Variants in KDM4B observed in about 807,000 individuals in gnomAD.
The protein encoded by KDM4B is lysine demethylase 4B.
A neutral mutation model predicts 125.2 loss-of-function variants in KDM4B; 32 were observed. The observed-to-expected ratio is 0.26, with a 90% CI of 0.19 to 0.34. The LOEUF (loss-of-function observed/expected upper bound fraction) is 0.34. Among genes scored for constraint, KDM4B ranks in the 10% least tolerant of loss-of-function variants. The probability of loss-of-function intolerance (pLI) is 1.00; values close to 1 mark genes in which losing one functional copy is unlikely to be tolerated. For synonymous variants in KDM4B, 721 were observed against 677.9 expected (o/e 1.06, Z -0.99); for missense variants, 1,190 against 1,577.7 (o/e 0.75, Z 4.16).
At chr19:5,137,879 G>C in intron 17 of KDM4B, 83 bp from the exon 18 acceptor site, 1 of 1,271,738 alleles carries the variant, frequency 7.9e-7, no homozygotes, top group Non-Finnish European at 1.1e-6. Context: ...TGACCCAGCC[G>C]ACAGCCACAT....
intron 1 of KDM4B, among the ~76,000 whole-genome samples, chr19:4,980,096 C>T (rs1270115861): frequency 7.7e-6 from 1 of 130,230 alleles, no homozygotes; most frequent in Non-Finnish European, 1.6e-5. Flanking sequence ...CAGAGCAAGA[C>T]CTTTTCTCAA....
Position 5,039,889 on chromosome 19 carries a change from C to T in KDM4B, c.195C>T (p.Asp65=), listed in dbSNP as rs141838567. The T allele has an allele frequency of 5.3e-5, 86 of 1,612,868 alleles. No homozygotes were observed. Among genetic ancestry groups the T allele is most frequent in the South Asian group, 3.8e-4 (35 of 91,092 alleles). Residue 65 remains aspartate, a synonymous_variant, in exon 4 of 23, where the codon GAC becomes GAT. Coordinates refer to ENST00000159111, the MANE Select transcript of KDM4B (RefSeq NM_015015.3). ...KPRQTYDDID[D]VVIPAPIQQV... ...GGCAGACGTATGATGACATCGACGA[C>T]GTGGTGATCCCGGCGCCCATCCAGC...
At chr19:4,969,715 A>AG (rs368918480) in intron 1 of KDM4B, among the ~76,000 whole-genome samples, 3 of 150,414 alleles carry the variant, frequency 2.0e-5, no homozygotes, top group Non-Finnish European at 3.0e-5. Context: ...TTTGGGCGCC[A>AG]GGGGGGCTAA....
intron 9 of KDM4B, among the ~76,000 whole-genome samples, chr19:5,096,113 T>C (rs1245419032): frequency 2.8e-5 from 4 of 143,536 alleles, no homozygotes; most frequent in African/African-American, 7.8e-5. Flanking sequence ...TGAGGTGGAG[T>C]TTTGCACTGT....
Position 5,143,972 on chromosome 19 carries a change from C to G in KDM4B, c.2556C>G (p.Cys852Trp). The stretch of plus-strand genomic sequence containing the variant: ...GCCTGTGTCCCCATCCCCAGAAATG[C>G]GTGTACTGCCGGAAGCGGATGAAGA... The part of the protein sequence containing the change: ...AIPEQRWKLK[C>W]VYCRKRMKKV... Residue 852 changes from cysteine to tryptophan, a missense_variant, in exon 19 of 23, where the codon TGC becomes TGG. This residue lies in a region of KDM4B where 298 missense variants were observed against 439.7 expected (regional missense o/e 0.68). Transcript: ENST00000159111. 6.3e-7 allele frequency: 1 copy of G among 1,579,608 alleles called. No homozygotes were observed. The highest frequency in any genetic ancestry group is 8.7e-7 in the Non-Finnish European group (1 of 1,154,282).
chr19:5,049,093 G>T (rs979767972), intron 6 of KDM4B, among the ~76,000 whole-genome samples: 1 of 152,182 alleles, frequency 6.6e-6, no homozygotes, highest in African/African-American at 2.4e-5. Context: ...CAGGGCCGGG[G>T]GTGCCTGCTG....
At chr19:5,097,533 G>A (rs962792064) in intron 9 of KDM4B, among the ~76,000 whole-genome samples, 2 of 152,198 alleles carry the variant, frequency 1.3e-5, no homozygotes, top group African/African-American at 2.4e-5. Context: ...GATGACAGGC[G>A]TGAGCCGCCG....
intron 9 of KDM4B, among the ~76,000 whole-genome samples, chr19:5,102,643 G>A (rs2038959413): frequency 6.6e-6 from 1 of 152,150 alleles, no homozygotes; most frequent in Non-Finnish European, 1.5e-5. Context: ...TCGCACCACA[G>A]CAGGGAATCG....
At position 5,033,425 on chromosome 19, in the gene KDM4B, T is replaced by C. The variant is rs1384991128; in HGVS notation, c.141+394T>C. Among the ~76,000 whole-genome samples the C allele has an allele frequency of 2.0e-5, 3 of 152,158 alleles. No homozygotes were observed. The East Asian group carries it at 5.8e-4, about 29-fold the overall frequency. ...GCCTTACTTTCCTAGTAAAACTTTT[T>C]TTTTTTAAGCTGGGTATGGTGGTGC... is the stretch of plus-strand genomic sequence containing the variant. On this transcript the variant is annotated intron_variant, in intron 3 of 22. Transcript: ENST00000159111.
intron 6 of KDM4B, among the ~76,000 whole-genome samples, chr19:5,067,220 G>A (rs528477311): frequency 1.3e-5 from 2 of 152,270 alleles, no homozygotes; most frequent in Admixed American, 1.3e-4. Context: ...TTGTTGCACT[G>A]AGCTAAGTCT....
chr19:5,065,850 C>A (rs1035822900), intron 6 of KDM4B, among the ~76,000 whole-genome samples: 2 of 152,226 alleles, frequency 1.3e-5, no homozygotes, highest in African/African-American at 4.8e-5. Context: ...TGGGGAATGG[C>A]GCGAGCAGAA....
At chr19:5,024,917 C>T (rs891085788) in intron 2 of KDM4B, among the ~76,000 whole-genome samples, 1 of 152,258 alleles carries the variant, frequency 6.6e-6, no homozygotes, top group Non-Finnish European at 1.5e-5. Context: ...CACTGCACTT[C>T]AGCCTGACTG....
chr19:5,086,645 TC>T (rs150507498), intron 9 of KDM4B, among the ~76,000 whole-genome samples: 10,675 of 148,776 alleles, frequency 0.072, 1,207 homozygotes, highest in African/African-American at 0.24. Context: ...AGCCACCTCC[TC>T]CCCCCCCCAG....
At chr19:5,023,425 G>C (rs1284385038) in intron 2 of KDM4B, among the ~76,000 whole-genome samples, 1 of 152,222 alleles carries the variant, frequency 6.6e-6, no homozygotes, top group African/African-American at 2.4e-5. Flanking sequence ...TGGCGTTCTC[G>C]TGCTGCCTCT....
intron 2 of KDM4B, among the ~76,000 whole-genome samples, chr19:5,027,880 A>C (rs1384617076): frequency 2.0e-5 from 3 of 152,066 alleles, no homozygotes; most frequent in Non-Finnish European, 4.4e-5. Context: ...ATTAGATATA[A>C]TTTGCACACT....
intron 1 of KDM4B, among the ~76,000 whole-genome samples, chr19:5,010,899 C>T (rs577381432): frequency 1.3e-5 from 2 of 152,104 alleles, no homozygotes; most frequent in Admixed American, 6.5e-5. Context: ...CCACCTGCCT[C>T]GGCCTCCCAA....
At chr19:5,033,133 T>C in intron 3 of KDM4B, 102 bp downstream of exon 3, 2 of 1,378,962 alleles carry the variant, frequency 1.5e-6, no homozygotes, top group South Asian at 1.3e-5. Context: ...GCGTGGCCTG[T>C]GCACGTGGAA....
At chr19:5,103,001 C>T (rs1164018042) in intron 9 of KDM4B, among the ~76,000 whole-genome samples, 1 of 152,246 alleles carries the variant, frequency 6.6e-6, no homozygotes, top group Non-Finnish European at 1.5e-5. Context: ...TGGCAACGGC[C>T]CTGCCCACCA....
At position 4,997,615 on chromosome 19, in the gene KDM4B, G is replaced by A. The variant is rs1174474273; in HGVS notation, c.-108-18642G>A. 2.0e-5 allele frequency among the ~76,000 whole-genome samples: 3 copies of A among 152,198 alleles called. No individual in the cohort carries two copies. The highest frequency in any genetic ancestry group is 4.4e-5 in the Non-Finnish European group (3 of 68,030). On this transcript the variant is annotated intron_variant, in intron 1 of 22. Coordinates refer to ENST00000159111, the MANE Select transcript of KDM4B (RefSeq NM_015015.3). This position sits in a 1 kb window ranked among gnomAD's most constrained non-coding sequence, Gnocchi z 4.2. ...CTCTCCTGGGAAATGGGCTGGAATA[G>A]CTGTCCCTGCCTCCTCCGGTTGGTG...
Sources: allele counts gnomAD v4.1 joint callset (sites outside exome capture counted in the v4.1 genomes callset), GRCh38; gene constraint gnomAD v4.1.1; regional missense constraint gnomAD v4.1.1; non-coding constraint Gnocchi (gnomAD v3.1); transcripts MANE v1.5; gene names NCBI Gene and HGNC (gene_info 2026-07-23, HGNC 2026-07-21).